Variants in CEP112 observed in about 807,000 individuals in gnomAD.
CEP112 encodes the protein centrosomal protein of 112 kDa.
Under a neutral mutation model 153.0 loss-of-function variants are expected in CEP112, and 127 were observed. The observed-to-expected ratio is 0.83, with a 90% CI of 0.72 to 0.96. The LOEUF is 0.96. CEP112 is among the 40% of genes least tolerant of loss of function. The pLI is 0.00. For synonymous variants in CEP112, 358 were observed against 374.4 expected, an observed-to-expected ratio of 0.96 and a Z score of 0.51; for missense variants, 1,089 against 1,101.2, an observed-to-expected ratio of 0.99 and a Z score of 0.16.
intron 24 of CEP112, among the ~76,000 whole-genome samples, chr17:65,666,960 A>G (rs1275343668): frequency 6.6e-6 from 1 of 152,194 alleles, no homozygotes; most frequent in Non-Finnish European, 1.5e-5. Context: ...TATTATTTAA[A>G]CACTGGCATC....
chr17:66,050,338 T>A (rs554493894), intron 12 of CEP112, among the ~76,000 whole-genome samples: 2 of 152,256 alleles, frequency 1.3e-5, no homozygotes, highest in South Asian at 4.1e-4. Context: ...GTTTTACAAT[T>A]TGGACACTCA....
chr17:66,160,849 T>C (rs919873128), intron 4 of CEP112, among the ~76,000 whole-genome samples: 1 of 152,010 alleles, frequency 6.6e-6, no homozygotes, highest in East Asian at 1.9e-4. Flanking sequence ...GGAATCTAAT[T>C]AAACTAAAGA....
intron 2 of CEP112, among the ~76,000 whole-genome samples, chr17:66,179,599 A>G (rs1397602702): frequency 6.6e-6 from 1 of 152,110 alleles, no homozygotes; most frequent in Non-Finnish European, 1.5e-5. Context: ...GGGAGTCTTT[A>G]GGTATTTCCA....
intron 11 of CEP112, among the ~76,000 whole-genome samples, chr17:66,054,968 G>C (rs959397306): frequency 6.6e-6 from 1 of 152,088 alleles, no homozygotes; most frequent in Non-Finnish European, 1.5e-5. Context: ...ATGTTGGTCA[G>C]CTTGGTCTCG....
chr17:66,044,870 T>A (rs974855612), intron 12 of CEP112, among the ~76,000 whole-genome samples: 3 of 151,818 alleles, frequency 2.0e-5, no homozygotes, highest in Non-Finnish European at 2.9e-5. Flanking sequence ...GTCTATTCAA[T>A]AAAAAAAGAA....
intron 11 of CEP112, among the ~76,000 whole-genome samples, chr17:66,056,413 CAG>C (rs1381784516): frequency 1.3e-5 from 2 of 152,206 alleles, no homozygotes; most frequent in Non-Finnish European, 2.9e-5. Flanking sequence ...CTACACCTAA[CAG>C]AATGTAAAAA....
At chr17:65,879,222 G>A (rs997590742) in intron 20 of CEP112, among the ~76,000 whole-genome samples, 39 of 152,154 alleles carry the variant, frequency 2.6e-4, no homozygotes, top group Non-Finnish European at 1.5e-4. Flanking sequence ...ATATCACAGC[G>A]AGGCCAGGAA....
chr17:65,640,878 C>A, intron 25 of CEP112, 86 bp downstream of exon 25: 1 of 780,690 alleles, frequency 1.3e-6, no homozygotes, highest in Non-Finnish European at 2.2e-6. Context: ...TGATTTCTGG[C>A]AACAATTTGG....
At chr17:65,744,902 A>G (rs1379132775) in intron 22 of CEP112, among the ~76,000 whole-genome samples, 1 of 152,226 alleles carries the variant, frequency 6.6e-6, no homozygotes, top group Non-Finnish European at 1.5e-5. Context: ...CCACGTTAGA[A>G]TATAATTCTT....
intron 24 of CEP112, among the ~76,000 whole-genome samples, chr17:65,664,875 C>T (rs928737671): frequency 3.3e-5 from 5 of 152,192 alleles, no homozygotes; most frequent in Non-Finnish European, 7.4e-5. Context: ...GTTCTAGAGG[C>T]TGGGAAATCC....
intron 24 of CEP112, among the ~76,000 whole-genome samples, chr17:65,649,078 ACAC>A (rs1567808346): frequency 0.027 from 3,839 of 144,388 alleles, 141 homozygotes; most frequent in African/African-American, 0.094. Context: ...AAACAAACAC[ACAC>A]ACACACACAC....
intron 5 of CEP112, 151 bp from the exon 6 acceptor site, chr17:66,129,974 G>A: frequency 4.0e-5 from 20 of 502,632 alleles, no homozygotes; most frequent in South Asian, 1.3e-4. Context: ...AAGAAAGGAA[G>A]GGATGAAAAG....
intron 23 of CEP112, among the ~76,000 whole-genome samples, chr17:65,724,299 T>C (rs1043845471): frequency 3.3e-5 from 5 of 152,184 alleles, no homozygotes; most frequent in Non-Finnish European, 7.3e-5. Flanking sequence ...AAAAACATGA[T>C]ATATGTGTAC....
At chr17:65,696,445 T>A (rs1338062014) in intron 23 of CEP112, among the ~76,000 whole-genome samples, 1 of 152,084 alleles carries the variant, frequency 6.6e-6, no homozygotes, top group African/African-American at 2.4e-5. Flanking sequence ...CTGGATTGAA[T>A]CATATGTAAG....
At chr17:65,915,922 G>T (rs2060463904) in intron 19 of CEP112, among the ~76,000 whole-genome samples, 1 of 151,570 alleles carries the variant, frequency 6.6e-6, no homozygotes, top group Non-Finnish European at 1.5e-5. Context: ...ACCCTGTACT[G>T]TACTTTGGCT....
At chr17:65,956,409 T>TACATACACACACACACAC (rs1006922424) in intron 18 of CEP112, among the ~76,000 whole-genome samples, 52 of 146,718 alleles carry the variant, frequency 3.5e-4, no homozygotes, top group African/African-American at 1.3e-3. Context: ...CATACATACA[T>TACATACACACACACACAC]ACACACACAC....
chr17:65,692,393 A>G (rs1414411543), intron 23 of CEP112, among the ~76,000 whole-genome samples: 1 of 151,872 alleles, frequency 6.6e-6, no homozygotes, highest in Non-Finnish European at 1.5e-5. Flanking sequence ...ACACCCGGCT[A>G]ATTTTTTATA....
intron 20 of CEP112, among the ~76,000 whole-genome samples, chr17:65,864,485 G>A (rs977303631): frequency 3.9e-5 from 6 of 152,154 alleles, no homozygotes; most frequent in Admixed American, 1.3e-4. Context: ...GAGCCCTGAC[G>A]CCATTCTTCC....
At chr17:65,978,351 G>T (rs1599237681) in intron 17 of CEP112, among the ~76,000 whole-genome samples, 1 of 152,202 alleles carries the variant, frequency 6.6e-6, no homozygotes, top group East Asian at 1.9e-4. Flanking sequence ...AAATACTTTG[G>T]TGACATAAAG....
Sources: allele counts gnomAD v4.1 joint callset (sites outside exome capture counted in the v4.1 genomes callset), GRCh38; gene constraint gnomAD v4.1.1; transcripts MANE v1.5; gene names NCBI Gene and HGNC (gene_info 2026-07-23, HGNC 2026-07-21).